Variants in RGL1 observed in about 807,000 individuals in gnomAD.
RGL1 encodes ral guanine nucleotide dissociation stimulator-like 1.
A neutral mutation model predicts 95.2 loss-of-function variants in RGL1; 24 were observed. The ratio of observed to expected loss-of-function variants is 0.25; its 90% CI spans 0.18 to 0.35. The LOEUF is 0.35. RGL1 is among the 10% of genes least tolerant of loss of function. The pLI is 1.00. For synonymous variants in RGL1, 329 were observed against 344.9 expected, an observed-to-expected ratio of 0.95 and a Z score of 0.51; for missense variants, 715 against 936.3, an observed-to-expected ratio of 0.76 and a Z score of 3.08.
intron 3 of RGL1, among the ~76,000 whole-genome samples, chr1:183,856,254 A>C (rs1406010496): frequency 6.6e-6 from 1 of 151,902 alleles, no homozygotes; most frequent in African/African-American, 2.4e-5. Context: ...AGGCAAAAAA[A>C]CCCAAAAAAA....
At chr1:183,781,685 T>C (rs78279572) in intron 2 of RGL1, among the ~76,000 whole-genome samples, 323 of 152,370 alleles carry the variant, frequency 2.1e-3, no homozygotes, top group African/African-American at 7.4e-3. Flanking sequence ...GGTATCATAG[T>C]GTACATGTCA....
upstream of RGL1, among the ~76,000 whole-genome samples, chr1:183,801,346 G>GTTT (rs995772441): frequency 6.6e-6 from 1 of 150,692 alleles, no homozygotes; most frequent in African/African-American, 2.4e-5. Context: ...TTTAAATTGG[G>GTTT]TTTTTTTTTC....
At chr1:183,788,722 A>G (rs1039696280) in intron 2 of RGL1, among the ~76,000 whole-genome samples, 1 of 152,242 alleles carries the variant, frequency 6.6e-6, no homozygotes, top group African/African-American at 2.4e-5. Context: ...AGGGACATAC[A>G]CACAGTATAT....
intron 1 of RGL1, among the ~76,000 whole-genome samples, chr1:183,713,282 G>A (rs1178724180): frequency 3.3e-5 from 5 of 150,960 alleles, no homozygotes; most frequent in African/African-American, 1.2e-4. Context: ...GCCTCCTGAA[G>A]TGCTGGGATT....
At chr1:183,684,433 C>A (rs1480658316) in intron 1 of RGL1, among the ~76,000 whole-genome samples, 1 of 152,016 alleles carries the variant, frequency 6.6e-6, no homozygotes, top group Non-Finnish European at 1.5e-5. Context: ...TGTGCTGCCC[C>A]TCCTTCCACC....
At chr1:183,852,142 G>T (rs979603354) in intron 3 of RGL1, among the ~76,000 whole-genome samples, 1 of 152,018 alleles carries the variant, frequency 6.6e-6, no homozygotes, top group African/African-American at 2.4e-5. Flanking sequence ...ATTTCCCACC[G>T]GAGAAGCTTA....
chr1:183,901,978 A>ACAC (rs1177477382), intron 11 of RGL1, among the ~76,000 whole-genome samples: 1 of 152,186 alleles, frequency 6.6e-6, no homozygotes, highest in Non-Finnish European at 1.5e-5. Flanking sequence ...AGTGTTGTGG[A>ACAC]CACATTTATT....
At chr1:183,676,663 C>T (rs144696237) in intron 1 of RGL1, among the ~76,000 whole-genome samples, 1,516 of 147,278 alleles carry the variant, frequency 0.01, 31 homozygotes, top group African/African-American at 0.035. Context: ...GTGATTAGAT[C>T]GATGAGGATG....
At chr1:183,904,778 A>T in intron 12 of RGL1, 72 bp from the exon 13 acceptor site, 1 of 1,467,062 alleles carries the variant, frequency 6.8e-7, no homozygotes, top group Non-Finnish European at 9.2e-7. Flanking sequence ...TTTCATGTTG[A>T]AAGATTCTAT....
At chr1:183,842,171 A>G (rs1664100061) in intron 2 of RGL1, among the ~76,000 whole-genome samples, 2 of 152,032 alleles carry the variant, frequency 1.3e-5, no homozygotes, top group South Asian at 2.1e-4. Context: ...AGTACTCACT[A>G]TTTACTTTGC....
intron 2 of RGL1, among the ~76,000 whole-genome samples, chr1:183,765,337 T>C (rs530665974): frequency 1.3e-5 from 2 of 152,276 alleles, no homozygotes; most frequent in South Asian, 2.1e-4. Flanking sequence ...AACAACCACA[T>C]TGCAATGAAT....
chr1:183,719,144 G>T (rs938648317), intron 1 of RGL1, among the ~76,000 whole-genome samples: 11 of 152,222 alleles, frequency 7.2e-5, no homozygotes, highest in Non-Finnish European at 1.6e-4. Context: ...GGTAAATTGT[G>T]AAATCTAGCC....
Position 183,926,255 on chromosome 1 carries a change from G to C in RGL1, c.2270G>C (p.Gly757Ala), listed in dbSNP as rs766047553. ...SLTLPRTAKR[G>A]CWSNRHSKIT... ...ACGTTGCCCAGGACAGCTAAACGGGGCTGCTGGAGTAACAGACACAGCAAA... is the reference window on the plus strand; with the variant it reads ...ACGTTGCCCAGGACAGCTAAACGGGCCTGCTGGAGTAACAGACACAGCAAA... The change falls in exon 18 of 18, where the codon GGC becomes GCC. Residue 757 changes from glycine (G) to alanine (A), a missense_variant. Physicochemically the swap from Gly to Ala is moderately conservative, Grantham distance 60. Transcript: ENST00000360851. 1 of 1,613,060 alleles carries C rather than the reference G, an allele frequency of 6.2e-7. No individual in the cohort carries two copies. Among genetic ancestry groups the C allele is most frequent in the Admixed American group, 1.7e-5 (1 of 59,842 alleles).
chr1:183,869,184 A>C (rs566371899), intron 4 of RGL1, among the ~76,000 whole-genome samples: 32 of 152,364 alleles, frequency 2.1e-4, no homozygotes, highest in African/African-American at 7.5e-4. Context: ...GTTTTGAGAT[A>C]AAATAGATTT....
intron 1 of RGL1, among the ~76,000 whole-genome samples, chr1:183,664,010 C>A (rs1651852153): frequency 7.4e-6 from 1 of 135,672 alleles, no homozygotes; most frequent in Non-Finnish European, 1.5e-5. Context: ...GGGAATTGAA[C>A]AATGAGAACA....
At chr1:183,794,299 G>T (rs1660589388) in intron 2 of RGL1, among the ~76,000 whole-genome samples, 1 of 152,132 alleles carries the variant, frequency 6.6e-6, no homozygotes, top group African/African-American at 2.4e-5. Flanking sequence ...GTGGAGAGGG[G>T]GATGAAGAAG....
intron 2 of RGL1, among the ~76,000 whole-genome samples, chr1:183,775,010 C>A (rs1185245584): frequency 6.6e-6 from 1 of 152,126 alleles, no homozygotes; most frequent in Non-Finnish European, 1.5e-5. Flanking sequence ...TGCTTCCTTA[C>A]CCCTCCTGAC....
intron 2 of RGL1, among the ~76,000 whole-genome samples, chr1:183,768,871 G>C (rs1033722274): frequency 3.9e-5 from 6 of 152,132 alleles, no homozygotes; most frequent in Admixed American, 3.9e-4. Flanking sequence ...TTAAGTTTTA[G>C]TGAAAACCTA....
At chr1:183,908,623 G>A (rs1326849029) in intron 14 of RGL1, among the ~76,000 whole-genome samples, 1 of 152,134 alleles carries the variant, frequency 6.6e-6, no homozygotes, top group African/African-American at 2.4e-5. Flanking sequence ...TGAGGGGCCT[G>A]ACCAAGCCTT....
Sources: gnomAD v4.1 joint callset for allele counts (sites outside exome capture counted in the v4.1 genomes callset) on GRCh38, gnomAD v4.1.1 for gene constraint, MANE v1.5 for transcripts, NCBI Gene and HGNC (gene_info 2026-07-23, HGNC 2026-07-21) for gene names.